NFIB: variants seen among roughly 807,000 people sequenced by gnomAD.
NFIB encodes nuclear factor 1 B-type.
In NFIB, 11 loss-of-function variants were observed where a neutral mutation model predicts 61.5. The observed-to-expected ratio is 0.18, with a 90% confidence interval of 0.11 to 0.30. The LOEUF (loss-of-function observed/expected upper bound fraction) is 0.30, where lower values mean the gene tolerates loss of function less well. NFIB is among the 10% of genes least tolerant of loss of function. The pLI is 1.00. For missense variants in NFIB, 471 were observed against 608.9 expected, an observed-to-expected ratio of 0.77 and a Z score of 2.38; for synonymous variants, 260 against 216.5, an observed-to-expected ratio of 1.20 and a Z score of -1.76.
chr9:14,178,779 A>G (rs1362558632), intron 3 of NFIB, among the ~76,000 whole-genome samples: 2 of 152,168 alleles, frequency 1.3e-5, no homozygotes, highest in Admixed American at 6.5e-5. Flanking sequence ...TTTCAGCCTC[A>G]TATTAGCTAA....
the NFIB span, among the ~76,000 whole-genome samples, chr9:14,498,780 TCC>T: frequency 2.6e-4 from 12 of 46,364 alleles, no homozygotes; most frequent in Admixed American, 2.1e-4. Flanking sequence ...CCTCCCTCCC[TCC>T]CTCCCTCCCT....
rs2033100411 is a variant in NFIB at position 14,087,811 on chromosome 9, G to A, written c.*498C>T. ...CTAGCCTTCGTTGGTGAGATAACCA[G>A]GAATAGTGATTCCATGCGTAAACAA... On this transcript the variant is annotated 3_prime_UTR_variant, in exon 11 of 11. Coordinates refer to ENST00000380953, the MANE Select transcript of NFIB (RefSeq NM_001190737.2). 1 of 221,800 alleles carries A rather than the reference G, an allele frequency of 4.5e-6. No homozygotes were observed. The highest frequency in any genetic ancestry group is 9.0e-6 in the Non-Finnish European group (1 of 110,750). 13.7% of individuals were successfully genotyped at this position (221,800 alleles called of 1,614,324 possible). A position where few individuals can be genotyped will look rare whatever the true frequency, so the allele number is the denominator to read the frequency against.
At chr9:14,437,002 G>A in the NFIB span, among the ~76,000 whole-genome samples, 1 of 152,164 alleles carries the variant, frequency 6.6e-6, no homozygotes, top group Non-Finnish European at 1.5e-5. Context: ...GAGAGAGGGA[G>A]GAGAGAGAAA....
the NFIB span, among the ~76,000 whole-genome samples, chr9:14,457,869 T>C: frequency 2.0e-5 from 3 of 152,138 alleles, no homozygotes; most frequent in Non-Finnish European, 2.9e-5. Context: ...ATTGAGGCAA[T>C]AATTAATAGC....
intron 2 of NFIB, among the ~76,000 whole-genome samples, chr9:14,214,150 T>C (rs12683997): frequency 0.25 from 37,653 of 151,986 alleles, 7,369 homozygotes; most frequent in African/African-American, 0.53. Flanking sequence ...GCGACAGAGA[T>C]AAGGAAAGCC....
exon 1 of NFIB, chr9:14,398,921 A>T (rs570524325): frequency 3.1e-6 from 1 of 321,330 alleles, no homozygotes; most frequent in Non-Finnish European, 5.7e-6. Context: ...TCAGCTCAAC[A>T]GTGATATTCT....
At chr9:14,200,799 T>C (rs1353179310) in intron 2 of NFIB, among the ~76,000 whole-genome samples, 1 of 152,152 alleles carries the variant, frequency 6.6e-6, no homozygotes, top group Non-Finnish European at 1.5e-5. Context: ...CTCAGCTAGG[T>C]CCATGTTTAC....
upstream of NFIB, among the ~76,000 whole-genome samples, chr9:14,319,095 C>A (rs188431725): frequency 5.3e-5 from 8 of 152,026 alleles, no homozygotes; most frequent in African/African-American, 1.9e-4. Flanking sequence ...TTCTCCTCCT[C>A]TGGGAGCTAT....
chr9:14,224,453 A>G (rs1473878887), intron 2 of NFIB, among the ~76,000 whole-genome samples: 2 of 152,272 alleles, frequency 1.3e-5, no homozygotes, highest in Non-Finnish European at 2.9e-5. Flanking sequence ...CTCTTCCAGA[A>G]TGATGTACAT....
At chr9:14,485,935 C>G in the NFIB span, among the ~76,000 whole-genome samples, 1 of 152,010 alleles carries the variant, frequency 6.6e-6, no homozygotes, top group East Asian at 1.9e-4. Flanking sequence ...CAGTCCCTGT[C>G]CTTACAATGG....
rs558869477 is a variant in NFIB at position 14,208,351 on chromosome 9, G to GA, written c.563-28572dup. Among the ~76,000 whole-genome samples, 391 of 152,078 alleles carry GA rather than the reference G, an allele frequency of 2.6e-3. 1 individual carries two copies. The highest frequency in any genetic ancestry group is 3.4e-3 in the Middle Eastern group (1 of 292). ...ATCAAGGTTAAATTGTACTAAAAAA[G>GA]AAAAAAATTACACCTCATTCCAAAT... On this transcript the variant is annotated intron_variant, in intron 2 of 10. Coordinates refer to ENST00000380953, the MANE Select transcript of NFIB (RefSeq NM_001190737.2).
At position 14,358,855 on chromosome 9, in the gene NFIB, G is replaced by T. The variant is rs898916067; in HGVS notation, c.108+39669C>A. Among the ~76,000 whole-genome samples, 13 of 152,128 alleles carry T rather than the reference G, an allele frequency of 8.5e-5. No homozygotes were observed. In the East Asian group the frequency reaches 2.5e-3, roughly 29 times the overall value. ...TAAACACTCACCATTAAAATTTAAA[G>T]TTCACAACCTTATAATTAAATTATG... On this transcript the variant is annotated intron_variant, in intron 1 of 8. Coordinates refer to the NFIB transcript ENST00000380934.
At chr9:14,312,241 T>C (rs995299274) in intron 1 of NFIB, among the ~76,000 whole-genome samples, 2 of 152,256 alleles carry the variant, frequency 1.3e-5, no homozygotes, top group Non-Finnish European at 2.9e-5. Context: ...CTCAGTCCTT[T>C]TGAATCACAA....
At chr9:14,193,546 G>A (rs146725290) in intron 2 of NFIB, among the ~76,000 whole-genome samples, 1 of 152,166 alleles carries the variant, frequency 6.6e-6, no homozygotes, top group East Asian at 1.9e-4. Context: ...TTAGGAAATG[G>A]TTCATAAGTC....
intron 1 of NFIB, among the ~76,000 whole-genome samples, chr9:14,375,972 G>A (rs1283404575): frequency 6.6e-6 from 1 of 152,212 alleles, no homozygotes; most frequent in Non-Finnish European, 1.5e-5. Context: ...AGTCTGCTGT[G>A]CATTATCTCA....
intron 3 of NFIB, among the ~76,000 whole-genome samples, chr9:14,161,913 C>A (rs530176264): frequency 6.6e-6 from 1 of 152,242 alleles, no homozygotes; most frequent in South Asian, 2.1e-4. Flanking sequence ...AAGCTGTGAG[C>A]ATGTCCATCT....
At chr9:14,456,851 T>C in the NFIB span, among the ~76,000 whole-genome samples, 1 of 152,206 alleles carries the variant, frequency 6.6e-6, no homozygotes, top group Admixed American at 6.5e-5. Context: ...ATCCTATTGA[T>C]GCACCTGTAC....
In NFIB at chr9:14,259,638, C is replaced by T. The variant is rs145211778; in HGVS notation, c.562+47351G>A. On this transcript the variant is annotated intron_variant, in intron 2 of 10. Coordinates refer to ENST00000380953, the MANE Select transcript of NFIB (RefSeq NM_001190737.2). Reference sequence around the variant, plus strand: ...ATTGGTGGCCGGGCGCAGTGGCTCACGCCTGTAATCCCAGTACTTTGGGAG... The same window carrying T: ...ATTGGTGGCCGGGCGCAGTGGCTCATGCCTGTAATCCCAGTACTTTGGGAG... 7.7e-3 allele frequency among the ~76,000 whole-genome samples: 1,172 copies of T among 152,214 alleles called. 17 individuals are homozygous for T. The highest frequency in any genetic ancestry group is 0.026 in the African/African-American group (1,075 of 41,514).
the NFIB span, among the ~76,000 whole-genome samples, chr9:14,498,706 T>A: frequency 6.6e-6 from 1 of 151,926 alleles, no homozygotes; most frequent in African/African-American, 2.4e-5. Context: ...TGGGAAATAG[T>A]GGCTACAGTA....
Sources: allele counts gnomAD v4.1 joint callset (sites outside exome capture counted in the v4.1 genomes callset), GRCh38; gene constraint gnomAD v4.1.1; transcripts MANE v1.5; gene names NCBI Gene and HGNC (gene_info 2026-07-23, HGNC 2026-07-21).